The following KATNAL1 variants were observed in gnomAD, a reference collection of about 807,000 sequenced individuals.
KATNAL1 encodes katanin catalytic subunit A1 like 1.
A neutral mutation model predicts 55.2 loss-of-function variants in KATNAL1; 32 were observed. The observed-to-expected ratio is 0.58, with a 90% confidence interval of 0.44 to 0.78. The LOEUF (loss-of-function observed/expected upper bound fraction) is 0.78, where lower values mean the gene tolerates loss of function less well. KATNAL1 is among the 30% of genes least tolerant of loss of function. KATNAL1 has a pLI of 0.00. For missense variants in KATNAL1, 466 were observed against 600.9 expected (o/e 0.78, Z 2.35); for synonymous variants, 193 against 193.6 (o/e 1.00, Z 0.02).
rs746264441 is a variant in KATNAL1, at chr13:30,304,403, G to A, written c.-15+2928C>T. The stretch of plus-strand genomic sequence containing the variant: ...TCCTGCCTCAGCCTCCTGAGTAGCT[G>A]GGACTATAGGTGTGCGCCACCATGT... On this transcript the variant is annotated intron_variant, in intron 1 of 10. Transcript: ENST00000380615. Among the ~76,000 whole-genome samples the A allele has an allele frequency of 1.8e-4, 28 of 152,082 alleles. 1 individual carries two copies. Among genetic ancestry groups the A allele is most frequent in the Middle Eastern group, 3.4e-3 (1 of 292 alleles).
At chr13:30,292,081 T>C (rs1459865401) in intron 1 of KATNAL1, among the ~76,000 whole-genome samples, 1 of 151,916 alleles carries the variant, frequency 6.6e-6, no homozygotes, top group African/African-American at 2.4e-5. Flanking sequence ...GGAACTGACA[T>C]AAAGGCAGAC....
At chr13:30,299,425 C>T (rs1882726868) in intron 1 of KATNAL1, among the ~76,000 whole-genome samples, 1 of 152,082 alleles carries the variant, frequency 6.6e-6, no homozygotes, top group African/African-American at 2.4e-5. Context: ...TTTTACTCTA[C>T]ACTCAACATC....
intron 1 of KATNAL1, among the ~76,000 whole-genome samples, chr13:30,299,137 G>A (rs1471021991): frequency 6.6e-6 from 1 of 152,152 alleles, no homozygotes; most frequent in African/African-American, 2.4e-5. Flanking sequence ...AGGGGTAAGG[G>A]TGTAGGGGGT....
intron 6 of KATNAL1, among the ~76,000 whole-genome samples, chr13:30,238,025 G>A (rs974235647): frequency 2.6e-5 from 4 of 152,006 alleles, no homozygotes; most frequent in African/African-American, 9.7e-5. Flanking sequence ...CTAAACTACT[G>A]CCAATCACTT....
intron 3 of KATNAL1, among the ~76,000 whole-genome samples, chr13:30,260,213 C>A (rs1490240425): frequency 6.6e-6 from 1 of 152,136 alleles, no homozygotes; most frequent in Non-Finnish European, 1.5e-5. Context: ...ACACCAAAAA[C>A]CCATCTGTAC....
chr13:30,249,153 A>T (rs1878068874), intron 4 of KATNAL1, among the ~76,000 whole-genome samples: 1 of 151,978 alleles, frequency 6.6e-6, no homozygotes, highest in African/African-American at 2.4e-5. Flanking sequence ...AATTGCTTGA[A>T]CCTGGGAGGC....
At chr13:30,267,601 C>G (rs896099978) in intron 3 of KATNAL1, among the ~76,000 whole-genome samples, 2 of 152,118 alleles carry the variant, frequency 1.3e-5, no homozygotes, top group Non-Finnish European at 2.9e-5. Context: ...AAGATAAGCC[C>G]CTCAAGAACT....
intron 1 of KATNAL1, among the ~76,000 whole-genome samples, chr13:30,302,732 TTTGAGCACTGACTGAA>T (rs1403464645): frequency 6.6e-6 from 1 of 152,102 alleles, no homozygotes; most frequent in Non-Finnish European, 1.5e-5. Context: ...CCAAAACTAG[TTTGAGCACTGACTGAA>T]ATGTAACATC....
chr13:30,216,502 A>G (rs1382403807), intron 9 of KATNAL1, among the ~76,000 whole-genome samples: 3 of 152,242 alleles, frequency 2.0e-5, no homozygotes, highest in African/African-American at 7.2e-5. Flanking sequence ...AAAAGCAGCA[A>G]GCAGGTGTGA....
intron 8 of KATNAL1, among the ~76,000 whole-genome samples, chr13:30,230,253 A>G (rs1199547104): frequency 6.6e-6 from 1 of 152,208 alleles, no homozygotes; most frequent in Admixed American, 6.5e-5. Context: ...AGGCCATAGT[A>G]GCCTTTTTCT....
chr13:30,224,047 T>C (rs1875189237), intron 9 of KATNAL1, among the ~76,000 whole-genome samples: 1 of 152,172 alleles, frequency 6.6e-6, no homozygotes, highest in East Asian at 1.9e-4. Flanking sequence ...CAATAAGATA[T>C]CTAGAAAACA....
At position 30,224,559 on chromosome 13, in the gene KATNAL1, G is replaced by C. The variant is rs530563061; in HGVS notation, c.1147+2853C>G. 2.6e-4 allele frequency among the ~76,000 whole-genome samples: 40 copies of C among 151,302 alleles called. No individual in the cohort carries two copies. The South Asian group carries it at 4.4e-3, about 17-fold the overall frequency. The stretch of plus-strand genomic sequence containing the variant: ...TTAAAAAAAAAAAAAAGTGGGGAAG[G>C]GTGGTTCCTAAAACCAATAACCTTA... On this transcript the variant is annotated intron_variant, in intron 9 of 10. Coordinates refer to ENST00000380615, the MANE Select transcript of KATNAL1 (RefSeq NM_032116.5).
intron 9 of KATNAL1, among the ~76,000 whole-genome samples, chr13:30,216,826 A>T (rs1240887250): frequency 6.6e-6 from 1 of 152,272 alleles, no homozygotes; most frequent in Admixed American, 6.5e-5. Flanking sequence ...CCAGTGAATG[A>T]CAATGAACAA....
intron 3 of KATNAL1, among the ~76,000 whole-genome samples, chr13:30,257,597 T>G (rs1031008738): frequency 6.6e-6 from 1 of 152,216 alleles, no homozygotes; most frequent in East Asian, 1.9e-4. Flanking sequence ...CAGCTTGCGA[T>G]TCAATGGCCG....
chr13:30,234,597 T>TA (rs1876468487), intron 6 of KATNAL1, among the ~76,000 whole-genome samples: 1 of 152,142 alleles, frequency 6.6e-6, no homozygotes, highest in South Asian at 2.1e-4. Context: ...CCTTTCCCTT[T>TA]ACAAAACTCC....
chr13:30,203,177 T>A lies in KATNAL1; in HGVS notation c.*5363A>T, dbSNP rs1287031189. ...CCATAACAAAGACGGGAAAAGTAATTCAGACATTTCACAGAGGCCTTATTT... is the reference window on the plus strand; with the variant it reads ...CCATAACAAAGACGGGAAAAGTAATACAGACATTTCACAGAGGCCTTATTT... On this transcript the variant is annotated 3_prime_UTR_variant, in exon 11 of 11. Transcript: ENST00000380615. 1.3e-5 allele frequency: 2 copies of A among 152,200 alleles called. No individual in the cohort carries two copies. The highest frequency in any genetic ancestry group is 2.9e-5 in the Non-Finnish European group (2 of 68,024). The allele number at this position is 152,200 out of a possible 1,614,324, so 9.4% of individuals were successfully genotyped here.
chr13:30,303,496 T>A (rs1040445157), intron 1 of KATNAL1, among the ~76,000 whole-genome samples: 3 of 152,178 alleles, frequency 2.0e-5, no homozygotes, highest in African/African-American at 7.2e-5. Context: ...GCCCAGGAGT[T>A]CAAGGCTGCT....
At chr13:30,250,625 T>C (rs1023548951) in intron 4 of KATNAL1, among the ~76,000 whole-genome samples, 1 of 152,222 alleles carries the variant, frequency 6.6e-6, no homozygotes, top group African/African-American at 2.4e-5. Context: ...CAGATATCCC[T>C]AGACTTACTC....
At chr13:30,213,106 G>A (rs188846692) in intron 9 of KATNAL1, among the ~76,000 whole-genome samples, 4 of 152,138 alleles carry the variant, frequency 2.6e-5, no homozygotes, top group East Asian at 1.9e-4. Flanking sequence ...CCGGTACTAT[G>A]AGAAAATACA....
Sources: gnomAD v4.1 joint callset for allele counts (sites outside exome capture counted in the v4.1 genomes callset) on GRCh38, gnomAD v4.1.1 for gene constraint, MANE v1.5 for transcripts, NCBI Gene and HGNC (gene_info 2026-07-23, HGNC 2026-07-21) for gene names.